TAF1: variants seen among roughly 807,000 people sequenced by gnomAD.
TAF1 encodes transcription initiation factor TFIID subunit 1.
A neutral mutation model predicts 138.5 loss-of-function variants in TAF1; 2 were observed. The observed-to-expected ratio is 0.01, with a 90% CI of 0.01 to 0.05. The LOEUF is 0.05. Among genes scored for constraint, TAF1 ranks in the 10% least tolerant of loss-of-function variants. The pLI, the probability that TAF1 is intolerant of heterozygous loss-of-function variation, is 1.00. For missense variants in TAF1, 709 were observed against 1,478.0 expected (o/e 0.48, Z 8.53); for synonymous variants, 437 against 503.2 (o/e 0.87, Z 1.76).
In TAF1 at chrX:71,398,987, T is replaced by C. The variant is rs2035007720; in HGVS notation, c.3786+250T>C. ...CAGGGTCTGGCTCTGTTGCCCAGGC[T>C]GGAGTGCACTGGCATGATCTCGGCT... On this transcript the variant is annotated intron_variant, in intron 24 of 37. Transcript: ENST00000423759. Among the ~76,000 whole-genome samples the C allele has an allele frequency of 2.7e-5, 3 of 111,750 alleles. No individual in the cohort carries two copies. In the South Asian group the frequency reaches 1.1e-3, roughly 41 times the overall value.
In TAF1 at chrX:71,483,780, C is replaced by CTCTATA. The variant is rs1164519184; in HGVS notation, c.1366+22978_1366+22979insCTATAT. ...TCTCTCTCTCTCTCTCTCTCTCTCTCTATATATATATATATATATATATAC... is the reference window on the plus strand; with the variant it reads ...TCTCTCTCTCTCTCTCTCTCTCTCTCTCTATATATATATATATATATATATATATAC... On this transcript the variant is annotated intron_variant and NMD_transcript_variant, in intron 13 of 14. Coordinates refer to the TAF1 transcript ENST00000373775. Among the ~76,000 whole-genome samples the CTCTATA allele has an allele frequency of 5.3e-3, 199 of 37,549 alleles. 4 individuals carry two copies. The highest frequency in any genetic ancestry group is 0.017 in the East Asian group (17 of 1,008). The allele number at this position is 37,549 out of a possible 115,157, so 32.6% of individuals were successfully genotyped here. A position where few individuals can be genotyped will look rare whatever the true frequency, so the allele number is the denominator to read the frequency against.
At chrX:71,481,059 A>C in intron 13 of TAF1, among the ~76,000 whole-genome samples, 1 of 112,425 alleles carries the variant, frequency 8.9e-6, no homozygotes, top group Admixed American at 9.4e-5. Context: ...CGGGCGGATC[A>C]CCTGAGGTCA....
intron 19 of TAF1, 64 bp downstream of exon 19, chrX:71,392,782 C>G: frequency 8.4e-7 from 1 of 1,190,549 alleles, no homozygotes. Flanking sequence ...GAGTGGAGGA[C>G]TTGGAATGTA....
Position 71,384,255 on chromosome X carries a change from A to C in TAF1, c.2121+120A>C, listed in dbSNP as rs1437830759. ...GTAGTGAGACAAACTGCAAACTTAC[A>C]TACAAATTTTTTATTATTAACGTAG... On this transcript the variant is annotated intron_variant, in intron 13 of 37. Transcript: ENST00000423759. 6.1e-6 allele frequency: 5 copies of C among 818,484 alleles called. No individual in the cohort carries two copies. The East Asian group carries it at 1.7e-4, about 28-fold the overall frequency. The allele number at this position is 818,484 out of a possible 1,213,427, so 67.5% of individuals were successfully genotyped here. A position where few individuals can be genotyped will look rare whatever the true frequency, so the allele number is the denominator to read the frequency against.
chrX:71,401,441 G>A, intron 24 of TAF1, 87 bp from the exon 25 acceptor site: 1 of 1,094,282 alleles, frequency 9.1e-7, no homozygotes, highest in Admixed American at 2.4e-5. Flanking sequence ...CATATACTGA[G>A]GGATGACTTT....
At chrX:71,468,988 A>G (rs1191989219), downstream of TAF1, among the ~76,000 whole-genome samples, 1 of 111,718 alleles carries the variant, frequency 9.0e-6, no homozygotes, top group African/African-American at 3.3e-5. Flanking sequence ...ACCCTATGTC[A>G]AAACAAAACA....
intron 13 of TAF1, among the ~76,000 whole-genome samples, chrX:71,505,793 G>A (rs2039610614): frequency 9.0e-6 from 1 of 111,549 alleles, no homozygotes; most frequent in African/African-American, 3.3e-5. Context: ...GGCCGAGGCA[G>A]GTGGATCACC....
intron 13 of TAF1, among the ~76,000 whole-genome samples, chrX:71,497,575 G>A (rs779916208): frequency 9.9e-5 from 11 of 111,530 alleles, no homozygotes; most frequent in Non-Finnish European, 1.7e-4. Flanking sequence ...CCTTACTTAC[G>A]TATGCCACTG....
chrX:71,402,534 C>T (rs774685380), intron 25 of TAF1, among the ~76,000 whole-genome samples: 7 of 112,279 alleles, frequency 6.2e-5, no homozygotes, highest in South Asian at 7.3e-4. Flanking sequence ...CCATCACTCC[C>T]GGCCTCGTAG....
intron 3 of TAF1, among the ~76,000 whole-genome samples, chrX:71,370,000 A>G (rs775724311): frequency 9.1e-6 from 1 of 110,107 alleles, no homozygotes; most frequent in Non-Finnish European, 1.9e-5. Context: ...CCAGGTGGGC[A>G]GATCACGTGA....
At chrX:71,428,197 G>A (rs111885356) in intron 32 of TAF1, among the ~76,000 whole-genome samples, 1 of 107,881 alleles carries the variant, frequency 9.3e-6, no homozygotes, top group African/African-American at 3.4e-5. Flanking sequence ...TGTATTTTTA[G>A]TAGAGATGGG....
chrX:71,499,417 C>G (rs1238532530), intron 13 of TAF1, among the ~76,000 whole-genome samples: 2 of 112,351 alleles, frequency 1.8e-5, no homozygotes, highest in African/African-American at 3.2e-5. Flanking sequence ...GAGCTTTCTC[C>G]TGATATCTGC....
rs910550918 is a variant in TAF1, at chrX:71,459,584, T to C, written c.5097T>C (p.Asp1699=). ...AAGATGGAGATGGTGATCTTGCAGA[T>C]GAAGAGGAAGGAACTGTACAACAGC... ...EGEDGDGDLA[D]EEEGTVQQPQ... is the part of the protein sequence containing the mutation. Residue 1699 remains aspartate (D), a synonymous_variant, in exon 36 of 38, where the codon GAT becomes GAC. Coordinates refer to ENST00000423759, the MANE Select transcript of TAF1 (RefSeq NM_004606.5). The C allele has an allele frequency of 8.3e-7, 1 of 1,210,733 alleles. No homozygotes were observed. Among genetic ancestry groups the C allele is most frequent in the Non-Finnish European group, 1.1e-6 (1 of 895,240 alleles).
intron 32 of TAF1, among the ~76,000 whole-genome samples, chrX:71,437,108 C>T (rs1018691365): frequency 2.7e-5 from 3 of 110,604 alleles, no homozygotes; most frequent in Non-Finnish European, 5.7e-5. Context: ...CGAGTTTATT[C>T]CTAGGTAATT....
In TAF1 at chrX:71,399,834, C is replaced by T. The variant is rs764183303; in HGVS notation, c.3786+1097C>T. On this transcript the variant is annotated intron_variant, in intron 24 of 37. Transcript: ENST00000423759. Reference sequence around the variant, plus strand: ...GCAACCTCCACCTTCCCGTTTCAAGCGGCAATCCTGCCTCAGCCTCCCGAG... The same window carrying T: ...GCAACCTCCACCTTCCCGTTTCAAGTGGCAATCCTGCCTCAGCCTCCCGAG... 1.1e-4 allele frequency among the ~76,000 whole-genome samples: 12 copies of T among 109,809 alleles called. No homozygotes were observed. The South Asian group carries it at 3.5e-3, about 32-fold the overall frequency.
chrX:71,528,864 C>T, intron 14 of TAF1: 1 of 252,137 alleles, frequency 4.0e-6, no homozygotes, highest in Non-Finnish European at 7.5e-6. Flanking sequence ...TGGGGGCGGC[C>T]AGCATTTATT....
intron 36 of TAF1, among the ~76,000 whole-genome samples, chrX:71,460,128 C>T (rs1326519326): frequency 9.0e-6 from 1 of 111,615 alleles, no homozygotes; most frequent in Admixed American, 9.5e-5. Flanking sequence ...GCTTGTAGTT[C>T]TAGTTAGGAG....
intron 8 of TAF1, among the ~76,000 whole-genome samples, chrX:71,381,165 T>C (rs1202088992): frequency 8.8e-6 from 1 of 113,066 alleles, no homozygotes; most frequent in Non-Finnish European, 1.9e-5. Flanking sequence ...TATCATTTAT[T>C]GTCATAATTT....
chrX:71,421,256 G>A (rs2036328944), intron 28 of TAF1, 53 bp from the exon 29 acceptor site: 2 of 1,078,094 alleles, frequency 1.9e-6, no homozygotes, highest in African/African-American at 3.7e-5. Context: ...AGAAGTGTTG[G>A]CAGCTTTTGC....
Sources: allele counts gnomAD v4.1 joint callset (sites outside exome capture counted in the v4.1 genomes callset), GRCh38; gene constraint gnomAD v4.1.1; transcripts MANE v1.5; gene names NCBI Gene and HGNC (gene_info 2026-07-23, HGNC 2026-07-21).